The following TBC1D23 variants were observed in gnomAD, a reference collection of about 807,000 sequenced individuals.
TBC1D23 encodes the protein HCV non-structural protein 4A-transactivated protein 1.
Under a neutral mutation model 91.4 loss-of-function variants are expected in TBC1D23, and 55 were observed. The ratio of observed to expected loss-of-function variants is 0.60; its 90% CI spans 0.48 to 0.75. The LOEUF is 0.75. Ranked by LOEUF, TBC1D23 falls within the 30% of genes least tolerant of loss-of-function variation. The pLI, the probability that TBC1D23 is intolerant of heterozygous loss-of-function variation, is 0.00. For missense variants in TBC1D23, 725 were observed against 836.1 expected (o/e 0.87, Z 1.64); for synonymous variants, 289 against 281.0 (o/e 1.03, Z -0.28).
At position 100,283,741 on chromosome 3, in the gene TBC1D23, G is replaced by A. The variant is rs754182668; in HGVS notation, c.406G>A (p.Val136Met). The change falls in exon 4 of 19, where the codon GTG (valine) becomes ATG (methionine). Residue 136 changes from valine (V) to methionine (M), a missense_variant. Val to Met is a conservative substitution (Grantham distance 21). Coordinates refer to ENST00000394144, the MANE Select transcript of TBC1D23 (RefSeq NM_001199198.3). ...LSWIHLLKPL[V>M]HLQLPRSDLY... ...CTGGATACATCTACTGAAACCATTG[G>A]TGCATCTTCAACTGCCACGCAGCGA... 2.2e-5 allele frequency: 35 copies of A among 1,613,162 alleles called. No homozygotes were observed. Among genetic ancestry groups the A allele is most frequent in the Non-Finnish European group, 2.9e-5 (34 of 1,179,312 alleles).
Position 100,304,862 on chromosome 3 carries a change from T to C in TBC1D23, c.1280T>C (p.Val427Ala). 6.7e-7 allele frequency: 1 copy of C among 1,501,378 alleles called. No homozygotes were observed. Among genetic ancestry groups the C allele is most frequent in the Non-Finnish European group, 9.3e-7 (1 of 1,080,022 alleles). The allele number at this position is 1,501,378 out of a possible 1,614,324, so 93.0% of individuals were successfully genotyped here. A position where few individuals can be genotyped will look rare whatever the true frequency, so the allele number is the denominator to read the frequency against. The stretch of plus-strand genomic sequence containing the variant: ...CCATTACAGAAAAACAAAGAATATG[T>C]GAGTATTGCCAGTGGAGGATTTATG... ...AHFLQKNKEY[V>A]SIASGGFMAL... is the part of the protein sequence containing the mutation. Residue 427 changes from valine to alanine, a missense_variant, in exon 12 of 19, where the codon GTG (valine) becomes GCG (alanine). Coordinates refer to ENST00000394144, the MANE Select transcript of TBC1D23 (RefSeq NM_001199198.3).
chr3:100,286,018 A>G (rs73862437), intron 4 of TBC1D23, among the ~76,000 whole-genome samples: 2,538 of 152,154 alleles, frequency 0.017, 74 homozygotes, highest in African/African-American at 0.059. Context: ...GAGCATAGGT[A>G]TAGATATTTT....
intron 10 of TBC1D23, 196 bp from the exon 11 acceptor site, chr3:100,301,871 T>C (rs1705439719): frequency 6.3e-6 from 3 of 477,080 alleles, no homozygotes; most frequent in Admixed American, 4.2e-5. Flanking sequence ...TGTTCAACTT[T>C]TGTTCTATTG....
chr3:100,262,308 GA>G (rs1169146301), intron 1 of TBC1D23, among the ~76,000 whole-genome samples: 7 of 152,172 alleles, frequency 4.6e-5, no homozygotes. Context: ...GTCACTGGGG[GA>G]AAGCTTCATG....
intron 13 of TBC1D23, among the ~76,000 whole-genome samples, chr3:100,310,166 A>G (rs1032698161): frequency 6.6e-6 from 1 of 152,080 alleles, no homozygotes; most frequent in African/African-American, 2.4e-5. Flanking sequence ...TTTCTCTCTT[A>G]TAAGGACACC....
At chr3:100,318,385 C>T (rs539732480) in intron 16 of TBC1D23, among the ~76,000 whole-genome samples, 2 of 152,036 alleles carry the variant, frequency 1.3e-5, no homozygotes, top group South Asian at 2.1e-4. Context: ...CAAGATAAAA[C>T]GAAATCTGCC....
chr3:100,267,653 A>G (rs1345440282), intron 1 of TBC1D23, among the ~76,000 whole-genome samples: 1 of 152,204 alleles, frequency 6.6e-6, no homozygotes, highest in African/African-American at 2.4e-5. Flanking sequence ...ATCCCTAATC[A>G]AAAATCTGAA....
rs761415480 is a variant in TBC1D23 at position 100,324,714 on chromosome 3, G to A, written c.*1046G>A. On this transcript the variant is annotated 3_prime_UTR_variant, in exon 19 of 19. Coordinates refer to ENST00000394144, the MANE Select transcript of TBC1D23 (RefSeq NM_001199198.3). ...AAATTGCTCTGCTGTATTTTGCAGC[G>A]TTCTTCATTTAATTTATAATGGTCC... The A allele has an allele frequency of 6.6e-5, 10 of 152,096 alleles. No individual in the cohort carries two copies. The highest frequency in any genetic ancestry group is 2.1e-4 in the South Asian group (1 of 4,824). 9.4% of individuals were successfully genotyped at this position (152,096 alleles called of 1,614,324 possible).
intron 4 of TBC1D23, among the ~76,000 whole-genome samples, chr3:100,286,121 A>G (rs766640686): frequency 2.6e-5 from 4 of 152,218 alleles, no homozygotes; most frequent in Admixed American, 6.5e-5. Flanking sequence ...AAACAGACTT[A>G]AAGATACCAG....
At chr3:100,306,137 T>C (rs1341859875) in intron 12 of TBC1D23, among the ~76,000 whole-genome samples, 2 of 152,214 alleles carry the variant, frequency 1.3e-5, no homozygotes, top group African/African-American at 4.8e-5. Context: ...AATTATCTGT[T>C]AATACTTGAA....
At chr3:100,287,350 G>A (rs2067752732) in intron 4 of TBC1D23, among the ~76,000 whole-genome samples, 1 of 152,192 alleles carries the variant, frequency 6.6e-6, no homozygotes, top group Non-Finnish European at 1.5e-5. Context: ...ATATAAGATG[G>A]CAGAATCCCG....
chr3:100,299,922 T>C (rs1382741143), intron 10 of TBC1D23, among the ~76,000 whole-genome samples: 2 of 152,038 alleles, frequency 1.3e-5, no homozygotes, highest in Non-Finnish European at 2.9e-5. Context: ...AGCTACCTAG[T>C]ATAGCACTTA....
intron 14 of TBC1D23, 49 bp downstream of exon 14, chr3:100,310,591 GA>G (rs767820060): frequency 7.0e-7 from 1 of 1,436,616 alleles, no homozygotes; most frequent in Non-Finnish European, 9.5e-7. Flanking sequence ...TAAAACTAAA[GA>G]AACAATGTCT....
intron 1 of TBC1D23, among the ~76,000 whole-genome samples, chr3:100,263,925 G>A (rs1666515860): frequency 6.6e-6 from 1 of 152,162 alleles, no homozygotes; most frequent in Non-Finnish European, 1.5e-5. Flanking sequence ...TGTATCTTTG[G>A]TGTGTCTTTG....
In TBC1D23 at chr3:100,323,631, A is replaced by G; in HGVS notation, c.2063A>G (p.Gln688Arg). Residue 688 changes from glutamine (Q) to arginine (R), a missense_variant, in exon 19 of 19, where the codon CAG becomes CGG. Physicochemically the swap from Gln to Arg is conservative, Grantham distance 43 (BLOSUM62 1). Coordinates refer to ENST00000394144, the MANE Select transcript of TBC1D23 (RefSeq NM_001199198.3). The part of the protein sequence containing the change: ...NAGDATKAIK[Q>R]QIMKVLDALE... ...GGGGATGCAACTAAAGCCATAAAAC[A>G]GCAGATCATGAAAGTTTTGGATGCT... The G allele has an allele frequency of 6.5e-7, 1 of 1,540,294 alleles. No individual in the cohort carries two copies. The highest frequency in any genetic ancestry group is 1.9e-5 in the Admixed American group (1 of 52,486).
chr3:100,317,072 ACT>A (rs754385733), intron 16 of TBC1D23, among the ~76,000 whole-genome samples: 18 of 144,366 alleles, frequency 1.2e-4, no homozygotes, highest in Non-Finnish European at 2.6e-4. Flanking sequence ...ACACAGCAAG[ACT>A]CTGTCTCAAA....
intron 1 of TBC1D23, among the ~76,000 whole-genome samples, chr3:100,269,190 G>T (rs1388730552): frequency 2.0e-5 from 3 of 152,114 alleles, no homozygotes; most frequent in Non-Finnish European, 4.4e-5. Context: ...TATTAAATTT[G>T]CCTTGTGAAG....
chr3:100,283,059 T>C (rs1485557964), intron 3 of TBC1D23, among the ~76,000 whole-genome samples: 1 of 152,256 alleles, frequency 6.6e-6, no homozygotes, highest in African/African-American at 2.4e-5. Context: ...AAATTTTCTT[T>C]AAACTGTCTT....
Position 100,310,556 on chromosome 3 carries a change from A to C in TBC1D23, c.1553+14A>C, listed in dbSNP as rs371231376. 3.1e-6 allele frequency: 5 copies of C among 1,601,246 alleles called. No individual in the cohort carries two copies. The African/African-American group carries it at 5.4e-5, about 17-fold the overall frequency. On this transcript the variant is annotated intron_variant, in intron 14 of 18. Coordinates refer to ENST00000394144, the MANE Select transcript of TBC1D23 (RefSeq NM_001199198.3). ...TCCTGTGGATCGGTGAGTTGTTTAT[A>C]CAGTATGAGTTTATGATGAGTAATT...
Sources: gnomAD v4.1 joint callset for allele counts (sites outside exome capture counted in the v4.1 genomes callset) on GRCh38, gnomAD v4.1.1 for gene constraint, MANE v1.5 for transcripts, NCBI Gene and HGNC (gene_info 2026-07-23, HGNC 2026-07-21) for gene names.